Variants in FHIT observed in about 807,000 individuals in gnomAD.
The protein encoded by FHIT is fragile histidine triad diadenosine triphosphatase, also known as bis(5'-adenosyl)-triphosphatase.
In FHIT, 19 loss-of-function variants were observed where a neutral mutation model predicts 17.9. That is an observed-to-expected ratio of 1.06 (90% CI 0.74 to 1.56). The LOEUF (loss-of-function observed/expected upper bound fraction) is 1.56, where lower values mean the gene tolerates loss of function less well. Among genes scored for constraint, FHIT ranks in the 40% most tolerant of loss-of-function variants. The pLI, the probability that FHIT is intolerant of heterozygous loss-of-function variation, is 0.00. For synonymous variants in FHIT, 81 were observed against 69.7 expected (o/e 1.16, Z -0.81); for missense variants, 248 against 189.2 (o/e 1.31, Z -1.82).
chr3:60,033,992 G>A lies in FHIT; in HGVS notation c.104-19840C>T, dbSNP rs558633947. On this transcript the variant is annotated intron_variant, in intron 5 of 9. Transcript: ENST00000492590. ...AGATGAAAATACACCGTCTCGTGAG[G>A]GAGTAGCCAACAGCATATTCAAGAT... is the stretch of plus-strand genomic sequence containing the variant. Among the ~76,000 whole-genome samples the A allele has an allele frequency of 2.1e-4, 32 of 152,242 alleles. 2 individuals carry two copies. In the South Asian group the frequency reaches 5.6e-3, roughly 27 times the overall value.
chr3:59,863,349 T>C (rs542128692), intron 8 of FHIT, among the ~76,000 whole-genome samples: 1 of 152,360 alleles, frequency 6.6e-6, no homozygotes, highest in South Asian at 2.1e-4. Flanking sequence ...GGTCTAATTA[T>C]CTGCTGAAAG....
At chr3:60,531,963 C>G (rs893380977) in intron 5 of FHIT, among the ~76,000 whole-genome samples, 1 of 152,172 alleles carries the variant, frequency 6.6e-6, no homozygotes, top group African/African-American at 2.4e-5. Flanking sequence ...AATGTGTCAG[C>G]AGAAATGTTC....
At chr3:60,093,641 T>G (rs1238857949) in intron 5 of FHIT, among the ~76,000 whole-genome samples, 1 of 152,158 alleles carries the variant, frequency 6.6e-6, no homozygotes, top group Non-Finnish European at 1.5e-5. Flanking sequence ...CATTACTGCC[T>G]GAGGTTAGCT....
chr3:60,249,910 G>A (rs1559761057), intron 5 of FHIT, among the ~76,000 whole-genome samples: 1 of 152,098 alleles, frequency 6.6e-6, no homozygotes, highest in Non-Finnish European at 1.5e-5. Flanking sequence ...CATGGCAGCA[G>A]GAAGGAGAGC....
intron 5 of FHIT, among the ~76,000 whole-genome samples, chr3:60,365,637 A>C (rs1700077269): frequency 6.6e-6 from 1 of 152,146 alleles, no homozygotes; most frequent in South Asian, 2.1e-4. Context: ...TGTTCTTAGA[A>C]CTTAGGAAGC....
At chr3:59,768,132 G>T (rs570859102) in intron 8 of FHIT, among the ~76,000 whole-genome samples, 1 of 152,300 alleles carries the variant, frequency 6.6e-6, no homozygotes, top group South Asian at 2.1e-4. Context: ...GGGGTGGCCT[G>T]CATCTAGTCT....
intron 7 of FHIT, among the ~76,000 whole-genome samples, chr3:59,979,675 A>G (rs1286868500): frequency 6.6e-6 from 1 of 152,102 alleles, no homozygotes; most frequent in African/African-American, 2.4e-5. Context: ...TTGAAACTCT[A>G]CACTAAGATA....
chr3:61,161,290 C>G lies in FHIT; in HGVS notation c.-164+39327G>C, dbSNP rs1471827049. On this transcript the variant is annotated intron_variant, in intron 2 of 9. Coordinates refer to ENST00000492590, the MANE Select transcript of FHIT (RefSeq NM_002012.4). ...CAATCTCGGCTCACTGCAACCTCCA[C>G]CTCCAGATCCAAGTGATTCTCTTGC... is the stretch of plus-strand genomic sequence containing the variant. Among the ~76,000 whole-genome samples the G allele has an allele frequency of 5.3e-5, 8 of 152,054 alleles. No individual in the cohort carries two copies. In the East Asian group the frequency reaches 1.5e-3, roughly 29 times the overall value.
At chr3:60,038,720 T>C (rs1379891629) in intron 5 of FHIT, among the ~76,000 whole-genome samples, 2 of 152,142 alleles carry the variant, frequency 1.3e-5, no homozygotes, top group Non-Finnish European at 2.9e-5. Context: ...TATATCAGAA[T>C]ATTCCAATAG....
intron 4 of FHIT, among the ~76,000 whole-genome samples, chr3:60,815,993 T>C (rs782717385): frequency 8.5e-5 from 13 of 152,072 alleles, no homozygotes; most frequent in Non-Finnish European, 1.3e-4. Flanking sequence ...ACTTCTATTT[T>C]TTCAGGCTAT....
intron 5 of FHIT, among the ~76,000 whole-genome samples, chr3:60,118,920 C>G (rs1242055717): frequency 2.7e-5 from 4 of 150,686 alleles, no homozygotes; most frequent in Admixed American, 2.6e-4. Flanking sequence ...ACTAGGGAGG[C>G]TGAGGCAGAA....
chr3:61,201,733 A>G (rs2039019202), intron 1 of FHIT, among the ~76,000 whole-genome samples: 1 of 146,254 alleles, frequency 6.8e-6, no homozygotes, highest in Admixed American at 6.6e-5. Flanking sequence ...CAGCATCAGA[A>G]ATTTCTCCTT....
intron 3 of FHIT, among the ~76,000 whole-genome samples, chr3:60,951,422 T>A (rs1708880301): frequency 6.6e-6 from 1 of 152,182 alleles, no homozygotes; most frequent in Non-Finnish European, 1.5e-5. Flanking sequence ...AGGTGCTACT[T>A]AAGGCACCAA....
At chr3:59,775,643 T>C (rs1425552826) in intron 8 of FHIT, among the ~76,000 whole-genome samples, 1 of 152,212 alleles carries the variant, frequency 6.6e-6, no homozygotes, top group Non-Finnish European at 1.5e-5. Context: ...CTGGCCCTTA[T>C]GTGGCCTGTA....
chr3:60,269,611 G>A (rs1187724503), intron 5 of FHIT, among the ~76,000 whole-genome samples: 1 of 152,188 alleles, frequency 6.6e-6, no homozygotes, highest in Non-Finnish European at 1.5e-5. Context: ...TATCTTTTGA[G>A]GTAGGCAGTC....
At chr3:60,383,366 T>C (rs1407519226) in intron 5 of FHIT, among the ~76,000 whole-genome samples, 2 of 152,138 alleles carry the variant, frequency 1.3e-5, no homozygotes. Flanking sequence ...TCGCTAGGGG[T>C]TATTAACCAA....
At chr3:60,353,607 G>A (rs1444506389) in intron 5 of FHIT, among the ~76,000 whole-genome samples, 1 of 152,036 alleles carries the variant, frequency 6.6e-6, no homozygotes, top group Non-Finnish European at 1.5e-5. Flanking sequence ...AAACAAAAAA[G>A]TGAGATTTTT....
At chr3:60,349,579 CTAAGTT>C (rs1710977802) in intron 5 of FHIT, among the ~76,000 whole-genome samples, 1 of 152,036 alleles carries the variant, frequency 6.6e-6, no homozygotes, top group Admixed American at 6.6e-5. Flanking sequence ...CATTGTAAGT[CTAAGTT>C]TTTCAGAAGG....
At chr3:60,875,510 G>T (rs548234748) in intron 3 of FHIT, among the ~76,000 whole-genome samples, 2 of 152,162 alleles carry the variant, frequency 1.3e-5, no homozygotes, top group African/African-American at 4.8e-5. Flanking sequence ...TGTTCAGCAT[G>T]CAGGGACCTT....
Sources: gnomAD v4.1 joint callset for allele counts (sites outside exome capture counted in the v4.1 genomes callset) on GRCh38, gnomAD v4.1.1 for gene constraint, MANE v1.5 for transcripts, NCBI Gene and HGNC (gene_info 2026-07-23, HGNC 2026-07-21) for gene names.